ZBTB7C: variants seen among roughly 807,000 people sequenced by gnomAD.
ZBTB7C encodes the protein zinc finger and BTB domain containing 7C.
ZBTB7C carries 8 observed loss-of-function variants against 25.7 expected under a neutral mutation model. That is an observed-to-expected ratio of 0.31 (90% confidence interval 0.18 to 0.56). The LOEUF (loss-of-function observed/expected upper bound fraction) is 0.56. ZBTB7C is among the 20% of genes least tolerant of loss of function. ZBTB7C has a pLI of 0.91. For missense variants in ZBTB7C, 824 were observed against 855.2 expected (o/e 0.96, Z 0.46); for synonymous variants, 394 against 369.0 (o/e 1.07, Z -0.78).
chr18:48,214,553 C>A (rs2042779442), intron 2 of ZBTB7C, among the ~76,000 whole-genome samples: 1 of 152,214 alleles, frequency 6.6e-6, no homozygotes, highest in South Asian at 2.1e-4. Context: ...AAGATGGCCA[C>A]CCTCATTGCT....
intron 2 of ZBTB7C, among the ~76,000 whole-genome samples, chr18:48,305,711 T>C (rs1405940585): frequency 6.6e-6 from 1 of 152,154 alleles, no homozygotes; most frequent in Non-Finnish European, 1.5e-5. Context: ...ACATCAGACC[T>C]GTGGCTAAAT....
At chr18:48,200,024 T>C (rs1393183974) in intron 2 of ZBTB7C, among the ~76,000 whole-genome samples, 1 of 151,016 alleles carries the variant, frequency 6.6e-6, no homozygotes, top group South Asian at 2.1e-4. Context: ...GTGTGTGTAA[T>C]TTTTTTTTGA....
intron 3 of ZBTB7C, among the ~76,000 whole-genome samples, chr18:48,172,056 C>T (rs1007166631): frequency 7.2e-5 from 11 of 152,234 alleles, no homozygotes; most frequent in Admixed American, 7.2e-4. Flanking sequence ...TCACAGCTAC[C>T]TGGGACAAGA....
chr18:48,181,641 G>T (rs2041926042), intron 3 of ZBTB7C, among the ~76,000 whole-genome samples: 1 of 152,094 alleles, frequency 6.6e-6, no homozygotes, highest in Non-Finnish European at 1.5e-5. Context: ...TCAGCTTGCT[G>T]CCCTCTGGCT....
chr18:48,383,351 G>A (rs915945188), intron 1 of ZBTB7C, among the ~76,000 whole-genome samples: 1 of 151,856 alleles, frequency 6.6e-6, no homozygotes, highest in East Asian at 1.9e-4. Flanking sequence ...CTGCAGCCTC[G>A]ACCTCCCAGG....
intron 3 of ZBTB7C, among the ~76,000 whole-genome samples, chr18:48,104,453 C>A (rs2038955674): frequency 1.3e-5 from 2 of 152,150 alleles, no homozygotes; most frequent in African/African-American, 4.8e-5. Context: ...AAATCAACCT[C>A]TTTTCTTTAT....
chr18:48,200,250 A>T (rs1232848008), intron 2 of ZBTB7C, among the ~76,000 whole-genome samples: 1 of 152,012 alleles, frequency 6.6e-6, no homozygotes, highest in Non-Finnish European at 1.5e-5. Flanking sequence ...AATCATCCAC[A>T]TCTCCCACCT....
rs530653345 is a variant in ZBTB7C at position 48,030,503 on chromosome 18, C to G, written c.1209-592G>C. 2.9e-4 allele frequency among the ~76,000 whole-genome samples: 44 copies of G among 152,352 alleles called. 1 individual carries two copies. The South Asian group carries it at 8.9e-3, about 31-fold the overall frequency. On this transcript the variant is annotated intron_variant, in intron 4 of 4. Transcript: ENST00000590800. ...GTGGTTTCTTATCCTAAGCCTTGGG[C>G]TCTCCTCTTTGTCTGTAGACAATTT...
intron 3 of ZBTB7C, among the ~76,000 whole-genome samples, chr18:48,177,952 T>C (rs755560520): frequency 2.8e-4 from 42 of 151,998 alleles, no homozygotes; most frequent in Non-Finnish European, 5.9e-4. Flanking sequence ...GGACCAGAGG[T>C]CACAGCGCTG....
At chr18:48,083,808 GT>G in intron 3 of ZBTB7C, 1 of 983,310 alleles carries the variant, frequency 1.0e-6, no homozygotes, top group Non-Finnish European at 1.2e-6. Context: ...TGATTATGAG[GT>G]TATAAAGGGC....
chr18:48,319,551 G>A (rs1397774030), intron 2 of ZBTB7C, among the ~76,000 whole-genome samples: 2 of 152,154 alleles, frequency 1.3e-5, no homozygotes, highest in Non-Finnish European at 2.9e-5. Flanking sequence ...AATGGTGTAG[G>A]TGGATCTGAA....
At chr18:48,212,059 A>C (rs1021381563) in intron 2 of ZBTB7C, among the ~76,000 whole-genome samples, 1 of 152,192 alleles carries the variant, frequency 6.6e-6, no homozygotes, top group Admixed American at 6.5e-5. Flanking sequence ...TTACCAAGTA[A>C]AAGAAACCAG....
intron 3 of ZBTB7C, among the ~76,000 whole-genome samples, chr18:48,157,247 A>G (rs2040866050): frequency 6.6e-6 from 1 of 152,332 alleles, no homozygotes; most frequent in East Asian, 1.9e-4. Context: ...CAATATAAAT[A>G]GCATAGAAAT....
chr18:48,217,687 C>T (rs1247885128), intron 2 of ZBTB7C, among the ~76,000 whole-genome samples: 6 of 150,570 alleles, frequency 4.0e-5, no homozygotes, highest in Non-Finnish European at 7.4e-5. Flanking sequence ...GTAATCCCAT[C>T]CATCACGGCA....
chr18:48,136,165 C>G (rs1033425109), intron 3 of ZBTB7C, among the ~76,000 whole-genome samples: 1 of 152,110 alleles, frequency 6.6e-6, no homozygotes, highest in South Asian at 2.1e-4. Flanking sequence ...CCGCTGCGCC[C>G]GCCTGCAGGA....
intron 1 of ZBTB7C, among the ~76,000 whole-genome samples, chr18:48,358,760 T>C (rs2047035219): frequency 6.6e-6 from 1 of 152,152 alleles, no homozygotes; most frequent in Admixed American, 6.5e-5. Context: ...GATGCAAATG[T>C]TTTAAAATTA....
intron 2 of ZBTB7C, among the ~76,000 whole-genome samples, chr18:48,232,320 T>C (rs1209188770): frequency 1.3e-5 from 2 of 152,196 alleles, no homozygotes; most frequent in Non-Finnish European, 2.9e-5. Context: ...CCTATAACCT[T>C]AAGAGAGAGC....
At chr18:48,281,117 G>A (rs928245855) in intron 2 of ZBTB7C, among the ~76,000 whole-genome samples, 1 of 151,960 alleles carries the variant, frequency 6.6e-6, no homozygotes, top group Admixed American at 6.6e-5. Flanking sequence ...GCCTCCCAAA[G>A]TGCTGGGATT....
chr18:48,123,825 A>G (rs2039709220), intron 3 of ZBTB7C, among the ~76,000 whole-genome samples: 1 of 152,210 alleles, frequency 6.6e-6, no homozygotes, highest in African/African-American at 2.4e-5. Context: ...ATGATCGTGT[A>G]TATTTTTATT....
Sources: allele counts gnomAD v4.1 joint callset (sites outside exome capture counted in the v4.1 genomes callset), GRCh38; gene constraint gnomAD v4.1.1; transcripts MANE v1.5; gene names NCBI Gene and HGNC (gene_info 2026-07-23, HGNC 2026-07-21).